AKAP19: variants seen among roughly 807,000 people sequenced by gnomAD.
AKAP19 encodes the protein A-kinase anchoring protein 19.
At chr2:190,114,468 GT>G in the AKAP19 span, among the ~76,000 whole-genome samples, 2 of 145,090 alleles carry the variant, frequency 1.4e-5, no homozygotes, top group African/African-American at 5.2e-5. Context: ...TTGTTTGTTT[GT>G]TTTTGAGACG....
chr2:190,000,097 T>C, the AKAP19 span, among the ~76,000 whole-genome samples: 2 of 152,180 alleles, frequency 1.3e-5, no homozygotes, highest in Non-Finnish European at 2.9e-5. Flanking sequence ...TCTTGGGCCA[T>C]CCCTTTTGAT....
the AKAP19 span, among the ~76,000 whole-genome samples, chr2:190,119,256 C>G: frequency 6.6e-6 from 1 of 152,252 alleles, no homozygotes; most frequent in South Asian, 2.1e-4. Context: ...GAAGAGGCTC[C>G]CCTATACAGA....
At chr2:189,948,897 AC>A in the AKAP19 span, among the ~76,000 whole-genome samples, 21 of 151,282 alleles carry the variant, frequency 1.4e-4, no homozygotes, top group African/African-American at 3.9e-4. Flanking sequence ...AGGTATTTAA[AC>A]TTTTTTTTTT....
chr2:190,079,890 T>TGTGTGTGTGTGTGAGA, the AKAP19 span: 18 of 109,532 alleles, frequency 1.6e-4, no homozygotes, highest in African/African-American at 5.5e-4. Flanking sequence ...TGTGTGTGTG[T>TGTGTGTGTGTGTGAGA]GAGAGAGAGA....
chr2:190,159,167 G>A, the AKAP19 span, among the ~76,000 whole-genome samples: 12 of 152,244 alleles, frequency 7.9e-5, no homozygotes, highest in African/African-American at 2.9e-4. Flanking sequence ...GATTAGTAGC[G>A]ACTGGCCTCC....
chr2:190,094,780 G>A, the AKAP19 span, among the ~76,000 whole-genome samples: 1,018 of 152,252 alleles, frequency 6.7e-3, 10 homozygotes, highest in African/African-American at 0.023. Flanking sequence ...TCCTTTCAAG[G>A]CTTTTGTAAG....
At chr2:189,940,592 A>T in the AKAP19 span, among the ~76,000 whole-genome samples, 1 of 152,144 alleles carries the variant, frequency 6.6e-6, no homozygotes, top group Admixed American at 6.6e-5. Flanking sequence ...GCTTTCAAAA[A>T]AAAACACTCA....
At chr2:190,116,411 A>G in the AKAP19 span, among the ~76,000 whole-genome samples, 1 of 152,120 alleles carries the variant, frequency 6.6e-6, no homozygotes, top group Non-Finnish European at 1.5e-5. Flanking sequence ...TCATTTATCC[A>G]TTCATGAGGG....
chr2:190,056,125 G>A, the AKAP19 span: 2 of 152,354 alleles, frequency 1.3e-5, no homozygotes, highest in Non-Finnish European at 1.5e-5. Context: ...ATTAACATAT[G>A]GAGTTTTAAG....
At chr2:189,891,621 C>A in the AKAP19 span, among the ~76,000 whole-genome samples, 1 of 151,932 alleles carries the variant, frequency 6.6e-6, no homozygotes, top group Non-Finnish European at 1.5e-5. Flanking sequence ...TGATGGGCTT[C>A]CCTTTGTGGG....
At chr2:189,933,887 A>G in the AKAP19 span, among the ~76,000 whole-genome samples, 1 of 152,256 alleles carries the variant, frequency 6.6e-6, no homozygotes, top group African/African-American at 2.4e-5. Flanking sequence ...ACTAACCTGG[A>G]CAGCCTTTTC....
the AKAP19 span, among the ~76,000 whole-genome samples, chr2:190,122,810 C>CTT: frequency 6.9e-5 from 10 of 144,740 alleles, no homozygotes; most frequent in African/African-American, 1.0e-4. Flanking sequence ...CTCTCTCTCT[C>CTT]TTTTTTTTTT....
chr2:189,918,597 C>T, the AKAP19 span, among the ~76,000 whole-genome samples: 2 of 152,130 alleles, frequency 1.3e-5, no homozygotes, highest in Admixed American at 6.6e-5. Flanking sequence ...ATAGGAAATA[C>T]AGTTTTGAGT....
chr2:190,029,751 A>T, the AKAP19 span, among the ~76,000 whole-genome samples: 1 of 152,222 alleles, frequency 6.6e-6, no homozygotes, highest in African/African-American at 2.4e-5. Flanking sequence ...ATTTACAGAA[A>T]CAGGCAGCTG....
the AKAP19 span, among the ~76,000 whole-genome samples, chr2:190,132,499 T>C: frequency 2.0e-5 from 3 of 152,198 alleles, no homozygotes; most frequent in Admixed American, 2.0e-4. Flanking sequence ...TTAATTTATT[T>C]TTGGCAAAGA....
At chr2:190,073,501 C>T in the AKAP19 span, among the ~76,000 whole-genome samples, 44 of 151,730 alleles carry the variant, frequency 2.9e-4, no homozygotes, top group Non-Finnish European at 5.2e-4. Context: ...TACTGTGGGT[C>T]GCAATCAAAA....
the AKAP19 span, among the ~76,000 whole-genome samples, chr2:189,949,865 C>T: frequency 2.0e-4 from 30 of 151,362 alleles, no homozygotes; most frequent in African/African-American, 5.1e-4. Context: ...CTCTTGACCT[C>T]GTGATCTACC....
the AKAP19 span, among the ~76,000 whole-genome samples, chr2:190,028,370 C>T: frequency 6.6e-6 from 1 of 152,132 alleles, no homozygotes; most frequent in African/African-American, 2.4e-5. Context: ...TCTTAAGGTA[C>T]AGGCTCTAAA....
At chr2:190,141,254 C>A in the AKAP19 span, among the ~76,000 whole-genome samples, 1 of 152,176 alleles carries the variant, frequency 6.6e-6, no homozygotes, top group East Asian at 1.9e-4. Context: ...TTCTTTGGAA[C>A]CCTCCAAACT....
Sources: allele counts gnomAD v4.1 joint callset (sites outside exome capture counted in the v4.1 genomes callset), GRCh38; gene constraint gnomAD v4.1.1; transcripts MANE v1.5; gene names NCBI Gene and HGNC (gene_info 2026-07-23, HGNC 2026-07-21).